Variants in PSD3 observed in about 807,000 individuals in gnomAD.
PSD3 encodes the protein pleckstrin and Sec7 domain containing 3.
Under a neutral mutation model 105.5 loss-of-function variants are expected in PSD3, and 49 were observed. The observed-to-expected ratio is 0.46, with a 90% confidence interval of 0.37 to 0.59. PSD3 has a LOEUF of 0.59. Among genes scored for constraint, PSD3 ranks in the 20% least tolerant of loss-of-function variants. The probability of loss-of-function intolerance (pLI) is 0.00; values close to 1 mark genes in which losing one functional copy is unlikely to be tolerated. For missense variants in PSD3, 1,561 were observed against 1,263.8 expected, an observed-to-expected ratio of 1.24 and a Z score of -3.57; for synonymous variants, 557 against 457.8, an observed-to-expected ratio of 1.22 and a Z score of -2.77.
At chr8:18,965,705 G>A (rs1216317632) in intron 1 of PSD3, among the ~76,000 whole-genome samples, 1 of 152,200 alleles carries the variant, frequency 6.6e-6, no homozygotes, top group African/African-American at 2.4e-5. Flanking sequence ...GCAAGATTCT[G>A]GAGATGGATG....
intron 1 of PSD3, among the ~76,000 whole-genome samples, chr8:19,008,844 C>G (rs751411280): frequency 6.6e-6 from 1 of 152,106 alleles, no homozygotes; most frequent in Non-Finnish European, 1.5e-5. Context: ...CGGCTCATTC[C>G]CCATCCTCCT....
chr8:18,970,046 G>A lies in PSD3; in HGVS notation c.22-33904C>T, dbSNP rs562909932. Reference sequence around the variant, plus strand: ...AAAAGGAAAAACAAGAAACAACCTCGGCCAGGTGCGGGCTCACACCTGTAA... The same window carrying A: ...AAAAGGAAAAACAAGAAACAACCTCAGCCAGGTGCGGGCTCACACCTGTAA... On this transcript the variant is annotated intron_variant, in intron 1 of 15. Transcript: ENST00000327040. Among the ~76,000 whole-genome samples the A allele has an allele frequency of 3.9e-4, 16 of 40,750 alleles. No homozygotes were observed. The South Asian group carries it at 5.5e-3, about 14-fold the overall frequency. 26.7% of individuals were successfully genotyped at this position (40,750 alleles called of 152,430 possible).
chr8:18,983,217 C>A (rs1315468103), intron 1 of PSD3, among the ~76,000 whole-genome samples: 1 of 152,220 alleles, frequency 6.6e-6, no homozygotes, highest in Non-Finnish European at 1.5e-5. Context: ...CTACCTCTCT[C>A]AGCCAAGAAT....
At chr8:18,880,735 A>G (rs1382468794) in intron 2 of PSD3, among the ~76,000 whole-genome samples, 1 of 152,164 alleles carries the variant, frequency 6.6e-6, no homozygotes, top group African/African-American at 2.4e-5. Flanking sequence ...ATCTATTACT[A>G]ATGTAAGAAT....
intron 2 of PSD3, among the ~76,000 whole-genome samples, chr8:18,883,660 A>T (rs1011006945): frequency 1.3e-5 from 2 of 152,230 alleles, no homozygotes; most frequent in African/African-American, 4.8e-5. Flanking sequence ...TCCAATTTTT[A>T]AAAACCAGAA....
rs536092552 is a variant in PSD3, at chr8:18,916,502, G to T, written c.130+19532C>A. On this transcript the variant is annotated intron_variant, in intron 2 of 15. Coordinates refer to ENST00000327040, the MANE Select transcript of PSD3 (RefSeq NM_015310.4). The stretch of plus-strand genomic sequence containing the variant: ...AGGCACAGAATGACAAATACTGCAC[G>T]ATCTTATTTACGTGCACAATCTTAA... Among the ~76,000 whole-genome samples, 19 of 151,752 alleles carry T rather than the reference G, an allele frequency of 1.3e-4. No individual in the cohort carries two copies. In the South Asian group the frequency reaches 3.8e-3, roughly 30 times the overall value.
At chr8:18,920,886 T>C (rs1400032303) in intron 2 of PSD3, among the ~76,000 whole-genome samples, 3 of 152,116 alleles carry the variant, frequency 2.0e-5, no homozygotes, top group Non-Finnish European at 4.4e-5. Flanking sequence ...TGAATAGAGG[T>C]ACCTGTGTCA....
chr8:19,026,726 G>T (rs1441367642), intron 1 of PSD3, among the ~76,000 whole-genome samples: 2 of 94,874 alleles, frequency 2.1e-5, no homozygotes, highest in South Asian at 3.8e-4. Context: ...AAAAAAAAAT[G>T]CCAGGCTGTG....
intron 12 of PSD3, among the ~76,000 whole-genome samples, chr8:18,576,571 A>C (rs1017448515): frequency 6.6e-6 from 1 of 152,186 alleles, no homozygotes; most frequent in African/African-American, 2.4e-5. Context: ...GTAATTTAGC[A>C]TTCCAAATAT....
chr8:18,738,971 C>T (rs963817199), intron 9 of PSD3, among the ~76,000 whole-genome samples: 1 of 152,012 alleles, frequency 6.6e-6, no homozygotes, highest in African/African-American at 2.4e-5. Context: ...GATTTCTTTT[C>T]CTTTTAAGAA....
chr8:18,829,542 T>C (rs1388123651), intron 4 of PSD3, among the ~76,000 whole-genome samples: 1 of 152,208 alleles, frequency 6.6e-6, no homozygotes, highest in Non-Finnish European at 1.5e-5. Context: ...TTGAGCCTCA[T>C]TTCCCACTAA....
In PSD3 at chr8:18,871,968, A is replaced by G; in HGVS notation, c.896T>C (p.Val299Ala). The change falls in exon 3 of 16, where the codon GTG becomes GCG. Residue 299 changes from valine (V) to alanine (A), a missense_variant. Physicochemically the swap from Val to Ala is moderately conservative, Grantham distance 64. Coordinates refer to ENST00000327040, the MANE Select transcript of PSD3 (RefSeq NM_015310.4). ...CAGTATTTCCACTCCTTGAAATTCC[A>G]CATGTTTGACCCGGCCTGGGCGTCC... is the stretch of plus-strand genomic sequence containing the variant. Reference protein sequence around the residue: ...SMGRPGRVKHVEFQGVEILWT... With the variant: ...SMGRPGRVKHAEFQGVEILWT... 1 of 1,614,066 alleles carries G rather than the reference A, an allele frequency of 6.2e-7. No homozygotes were observed. The highest frequency in any genetic ancestry group is 8.5e-7 in the Non-Finnish European group (1 of 1,180,012).
rs745354246 is a variant in PSD3 at position 18,872,353 on chromosome 8, T to C, written c.511A>G (p.Lys171Glu). The C allele has an allele frequency of 1.1e-5, 17 of 1,614,094 alleles. No homozygotes were observed. The African/African-American group carries it at 2.1e-4, about 20-fold the overall frequency. Residue 171 changes from lysine to glutamate, a missense_variant, in exon 3 of 16, where the codon AAA (lysine) becomes GAA (glutamate). Transcript: ENST00000327040. ...VSSFSVQQVE[K>E]ELDTASRKTQ... ...TTACGACTGGCAGTGTCCAGCTCTT[T>C]TTCCACCTGCTGAACTGAAAAACTA...
At chr8:18,763,781 G>A (rs1317542361) in intron 9 of PSD3, among the ~76,000 whole-genome samples, 2 of 152,078 alleles carry the variant, frequency 1.3e-5, no homozygotes, top group African/African-American at 4.8e-5. Context: ...ACTATCTTGG[G>A]TGGGTGAGCG....
At chr8:18,994,871 T>C (rs1327785595) in intron 1 of PSD3, among the ~76,000 whole-genome samples, 1 of 151,670 alleles carries the variant, frequency 6.6e-6, no homozygotes, top group Non-Finnish European at 1.5e-5. Context: ...AAATGTAGAA[T>C]TTACAGGAAT....
chr8:18,623,400 C>T (rs1206141996), intron 11 of PSD3, among the ~76,000 whole-genome samples: 3 of 137,126 alleles, frequency 2.2e-5, no homozygotes, highest in Non-Finnish European at 3.0e-5. Context: ...CTGCTTGAGG[C>T]CAAGAGTTCA....
intron 9 of PSD3, among the ~76,000 whole-genome samples, chr8:18,726,739 G>A (rs2129429311): frequency 6.6e-6 from 1 of 152,292 alleles, no homozygotes; most frequent in Non-Finnish European, 1.5e-5. Flanking sequence ...CTCAGATTCA[G>A]CTTATGCAAA....
At chr8:19,056,786 T>C (rs1348764939) in intron 1 of PSD3, among the ~76,000 whole-genome samples, 2 of 151,764 alleles carry the variant, frequency 1.3e-5, no homozygotes, top group Non-Finnish European at 2.9e-5. Context: ...TCAAAATAAG[T>C]GAACAAAGAC....
At chr8:18,993,823 T>C (rs533664369) in intron 1 of PSD3, among the ~76,000 whole-genome samples, 4 of 151,642 alleles carry the variant, frequency 2.6e-5, no homozygotes, top group African/African-American at 9.7e-5. Flanking sequence ...ATTTAAGGAG[T>C]TAATTTATCC....
Sources: gnomAD v4.1 joint callset for allele counts (sites outside exome capture counted in the v4.1 genomes callset) on GRCh38, gnomAD v4.1.1 for gene constraint, MANE v1.5 for transcripts, NCBI Gene and HGNC (gene_info 2026-07-23, HGNC 2026-07-21) for gene names.